The following ANKS1B variants were observed in gnomAD, a reference collection of about 807,000 sequenced individuals.
ANKS1B encodes ankyrin repeat and sterile alpha motif domain containing 1B.
ANKS1B carries 36 observed loss-of-function variants against 148.3 expected under a neutral mutation model. The observed-to-expected ratio is 0.24, with a 90% confidence interval of 0.19 to 0.32. The LOEUF is 0.32. Among genes scored for constraint, ANKS1B ranks in the 10% least tolerant of loss-of-function variants. The pLI is 1.00. For missense variants in ANKS1B, 1,157 were observed against 1,542.6 expected (o/e 0.75, Z 4.19); for synonymous variants, 542 against 560.8 (o/e 0.97, Z 0.47).
At chr12:98,776,921 T>G (rs1307672532) in intron 24 of ANKS1B, among the ~76,000 whole-genome samples, 1 of 152,242 alleles carries the variant, frequency 6.6e-6, no homozygotes, top group Non-Finnish European at 1.5e-5. Context: ...CCCACTGCAG[T>G]GACTCATGTC....
At chr12:99,334,222 A>ATACATAGG (rs2088281400) in intron 12 of ANKS1B, among the ~76,000 whole-genome samples, 1 of 151,982 alleles carries the variant, frequency 6.6e-6, no homozygotes, top group African/African-American at 2.4e-5. Context: ...AGATACATAG[A>ATACATAGG]AAGATAGAAG....
intron 1 of ANKS1B, among the ~76,000 whole-genome samples, chr12:99,900,505 CAAAAAAAA>C (rs71303560): frequency 0.095 from 6,736 of 70,730 alleles, 527 homozygotes; most frequent in African/African-American, 0.25. Context: ...GACTCCATCT[CAAAAAAAA>C]AAAAAAAAAA....
At chr12:99,526,333 C>G (rs1190108424) in intron 9 of ANKS1B, among the ~76,000 whole-genome samples, 1 of 152,160 alleles carries the variant, frequency 6.6e-6, no homozygotes, top group Non-Finnish European at 1.5e-5. Context: ...TAAAATTTTT[C>G]CCTCACCTCG....
In ANKS1B at chr12:98,933,851, T is replaced by A. The variant is rs143894908; in HGVS notation, c.2779-101715A>T. On this transcript the variant is annotated intron_variant, in intron 17 of 26. Transcript: ENST00000683438. ...ATTAAAAAAAATCATGTTACTAGGT[T>A]TTTTTTTCTTTTTTACTATTGAGTA... Among the ~76,000 whole-genome samples the A allele has an allele frequency of 2.0e-5, 3 of 152,096 alleles. No homozygotes were observed. The East Asian group carries it at 5.8e-4, about 29-fold the overall frequency.
intron 9 of ANKS1B, among the ~76,000 whole-genome samples, chr12:99,574,258 A>G (rs1016082620): frequency 1.3e-5 from 2 of 152,116 alleles, no homozygotes; most frequent in Non-Finnish European, 2.9e-5. Flanking sequence ...TGTTCCCGAG[A>G]GCACTTCCCA....
chr12:99,768,423 C>T (rs962077528), intron 8 of ANKS1B, among the ~76,000 whole-genome samples: 1 of 152,026 alleles, frequency 6.6e-6, no homozygotes, highest in Non-Finnish European at 1.5e-5. Context: ...TCGGTGTCCC[C>T]GCCAAGTTTA....
At chr12:99,949,714 C>T (rs1027193557) in intron 1 of ANKS1B, among the ~76,000 whole-genome samples, 17 of 152,168 alleles carry the variant, frequency 1.1e-4, no homozygotes, top group Non-Finnish European at 2.2e-4. Context: ...CTTTTGCCCT[C>T]TAGTCTAGAG....
intron 8 of ANKS1B, among the ~76,000 whole-genome samples, chr12:99,708,559 C>T (rs1005408139): frequency 6.6e-5 from 10 of 152,164 alleles, no homozygotes; most frequent in South Asian, 4.1e-4. Flanking sequence ...CTTCCAGCTA[C>T]TAGTGGCTAT....
chr12:99,162,107 T>C (rs2076712317), intron 14 of ANKS1B, among the ~76,000 whole-genome samples: 1 of 152,036 alleles, frequency 6.6e-6, no homozygotes. Context: ...TCTGTTTAAA[T>C]AAAAGGTCAA....
intron 12 of ANKS1B, among the ~76,000 whole-genome samples, chr12:99,270,428 T>C (rs140398109): frequency 6.6e-6 from 1 of 152,304 alleles, no homozygotes; most frequent in Non-Finnish European, 1.5e-5. Flanking sequence ...ATGTATCATC[T>C]TCCTATTTTA....
intron 9 of ANKS1B, among the ~76,000 whole-genome samples, chr12:98,736,058 C>CT (rs1187231128): frequency 1.3e-5 from 2 of 152,268 alleles, no homozygotes; most frequent in South Asian, 4.2e-4. Context: ...TGTGAGGAGT[C>CT]TAACAGGAGA....
intron 9 of ANKS1B, among the ~76,000 whole-genome samples, chr12:99,507,712 G>A (rs998921838): frequency 2.6e-5 from 4 of 151,836 alleles, no homozygotes; most frequent in Non-Finnish European, 5.9e-5. Flanking sequence ...TGGTAAAAAC[G>A]AAGATAGTGA....
chr12:99,984,066 T>C (rs1268030125), intron 1 of ANKS1B, 38 bp downstream of exon 1: 10 of 1,571,714 alleles, frequency 6.4e-6, no homozygotes, highest in Non-Finnish European at 8.7e-6. Flanking sequence ...CAATGCATAA[T>C]GAGGTGTGCC....
intron 10 of ANKS1B, among the ~76,000 whole-genome samples, chr12:99,458,125 C>A (rs552819787): frequency 6.6e-6 from 1 of 151,850 alleles, no homozygotes; most frequent in Non-Finnish European, 1.5e-5. Context: ...CAAAAGAAAC[C>A]CTGAAAACCA....
At chr12:99,037,323 T>C (rs2099956158) in intron 17 of ANKS1B, among the ~76,000 whole-genome samples, 1 of 152,132 alleles carries the variant, frequency 6.6e-6, no homozygotes, top group African/African-American at 2.4e-5. Context: ...GAGACCAGCC[T>C]GGCCAAAATA....
rs150928238 is a variant in ANKS1B, at chr12:99,514,879, G to C, written c.1273-10238C>G. On this transcript the variant is annotated intron_variant, in intron 9 of 26. Transcript: ENST00000683438. Reference sequence around the variant, plus strand: ...TGGTTAATCCTGGTAATAGGCAAGAGGGATTAAAAGGACTGCAATGCAACA... The same window carrying C: ...TGGTTAATCCTGGTAATAGGCAAGACGGATTAAAAGGACTGCAATGCAACA... Among the ~76,000 whole-genome samples the C allele has an allele frequency of 3.4e-3, 523 of 152,056 alleles. 6 individuals are homozygous for C. The highest frequency in any genetic ancestry group is 0.011 in the African/African-American group (439 of 41,528).
intron 8 of ANKS1B, among the ~76,000 whole-genome samples, chr12:99,664,528 G>A (rs1008828556): frequency 7.9e-5 from 12 of 152,072 alleles, no homozygotes; most frequent in African/African-American, 2.7e-4. Context: ...TCAAAAAGCT[G>A]AGGGAAAAGG....
intron 2 of ANKS1B, among the ~76,000 whole-genome samples, chr12:99,814,183 A>T (rs901543374): frequency 2.0e-5 from 3 of 151,676 alleles, no homozygotes; most frequent in African/African-American, 7.2e-5. Context: ...TGATGTTCAC[A>T]CAATGATGAA....
rs1028438257 is a variant in ANKS1B at position 99,650,959 on chromosome 12, C to A, written c.1272+4108G>T. Reference sequence around the variant, plus strand: ...AATTATGTCTGTATTGTTTCCATAACACTCATGATTCTGACAAGCACTGTG... The same window carrying A: ...AATTATGTCTGTATTGTTTCCATAAAACTCATGATTCTGACAAGCACTGTG... On this transcript the variant is annotated intron_variant, in intron 9 of 26. Coordinates refer to ENST00000683438, the MANE Select transcript of ANKS1B (RefSeq NM_001352186.2). Among the ~76,000 whole-genome samples the A allele has an allele frequency of 1.7e-4, 26 of 152,222 alleles. 1 individual carries two copies. Among genetic ancestry groups the A allele is most frequent in the African/African-American group, 6.0e-4 (25 of 41,536 alleles).
Sources: allele counts gnomAD v4.1 joint callset (sites outside exome capture counted in the v4.1 genomes callset), GRCh38; gene constraint gnomAD v4.1.1; transcripts MANE v1.5; gene names NCBI Gene and HGNC (gene_info 2026-07-23, HGNC 2026-07-21).